CAMK1D: variants seen among roughly 807,000 people sequenced by gnomAD.
CAMK1D encodes the protein calcium/calmodulin-dependent protein kinase type 1D.
CAMK1D carries 9 observed loss-of-function variants against 47.7 expected under a neutral mutation model. The ratio of observed to expected loss-of-function variants is 0.19; its 90% CI spans 0.11 to 0.33. CAMK1D has a LOEUF of 0.33. CAMK1D is among the 10% of genes least tolerant of loss of function. The pLI is 1.00. For missense variants in CAMK1D, 291 were observed against 488.7 expected (o/e 0.60, Z 3.81); for synonymous variants, 184 against 184.9 (o/e 0.99, Z 0.04).
chr10:12,628,291 C>T (rs1402059941), intron 2 of CAMK1D, among the ~76,000 whole-genome samples: 1 of 152,088 alleles, frequency 6.6e-6, no homozygotes, highest in Admixed American at 6.5e-5. Context: ...CATTTCATTC[C>T]CTCCAGTAAT....
intron 2 of CAMK1D, among the ~76,000 whole-genome samples, chr10:12,558,263 T>C (rs1588630809): frequency 6.6e-6 from 1 of 152,216 alleles, no homozygotes; most frequent in East Asian, 1.9e-4. Context: ...TGACATCTAA[T>C]TTCAAAACTT....
chr10:12,581,251 G>GTA (rs925847009), intron 2 of CAMK1D, among the ~76,000 whole-genome samples: 15 of 152,182 alleles, frequency 9.9e-5, no homozygotes, highest in East Asian at 3.9e-4. Context: ...GTATTCCATG[G>GTA]TATATATATA....
chr10:12,399,921 T>C (rs1031304489), intron 1 of CAMK1D, among the ~76,000 whole-genome samples: 11 of 152,202 alleles, frequency 7.2e-5, no homozygotes, highest in African/African-American at 2.4e-4. Flanking sequence ...AAATGACATG[T>C]CTTTAAACAG....
chr10:12,718,234 A>G (rs1834232262), intron 3 of CAMK1D, among the ~76,000 whole-genome samples: 1 of 152,230 alleles, frequency 6.6e-6, no homozygotes, highest in Non-Finnish European at 1.5e-5. Flanking sequence ...TAAAACATGC[A>G]GTCTTGAAAT....
chr10:12,457,055 C>T (rs1182218182), intron 1 of CAMK1D, among the ~76,000 whole-genome samples: 8 of 152,056 alleles, frequency 5.3e-5, no homozygotes, highest in South Asian at 2.1e-4. Context: ...TGGTGTGTAT[C>T]GACAGTGGAA....
intron 1 of CAMK1D, among the ~76,000 whole-genome samples, chr10:12,396,319 A>G (rs1366038538): frequency 6.6e-6 from 1 of 152,112 alleles, no homozygotes; most frequent in Non-Finnish European, 1.5e-5. Flanking sequence ...ATCATTGTCC[A>G]CTGTTCCTCT....
At chr10:12,707,602 G>A (rs1435087415) in intron 3 of CAMK1D, among the ~76,000 whole-genome samples, 2 of 152,228 alleles carry the variant, frequency 1.3e-5, no homozygotes, top group Admixed American at 6.5e-5. Context: ...AGAAAATAGA[G>A]AGCTAGGGAA....
In CAMK1D at chr10:12,376,950, G is replaced by A. The variant is rs573848710; in HGVS notation, c.92+27040G>A. On this transcript the variant is annotated intron_variant, in intron 1 of 10. Transcript: ENST00000619168. ...TAATTTTTGTATTTTTAGTAGAGAC[G>A]GGGTTTCACCATGTTGACCAGGCTG... Among the ~76,000 whole-genome samples, 598 of 151,856 alleles carry A rather than the reference G, an allele frequency of 3.9e-3. 3 individuals carry two copies. Among genetic ancestry groups the A allele is most frequent in the Non-Finnish European group, 6.3e-3 (431 of 67,904 alleles).
rs200817721 is a variant in CAMK1D, at chr10:12,819,607, G to A, written c.833+3279G>A. ...ATAATACATGTGACAAAGAAGAAGC[G>A]TTGCACATCTGTGATACCTACAGGC... is the stretch of plus-strand genomic sequence containing the variant. On this transcript the variant is annotated intron_variant, in intron 8 of 10. Coordinates refer to ENST00000619168, the MANE Select transcript of CAMK1D (RefSeq NM_153498.4). 5.3e-5 allele frequency among the ~76,000 whole-genome samples: 8 copies of A among 152,330 alleles called. No homozygotes were observed. The East Asian group carries it at 9.6e-4, about 18-fold the overall frequency.
At chr10:12,512,495 A>G (rs1835069461) in intron 1 of CAMK1D, among the ~76,000 whole-genome samples, 1 of 152,204 alleles carries the variant, frequency 6.6e-6, no homozygotes, top group Non-Finnish European at 1.5e-5. Context: ...TCCCGGGTTC[A>G]AGCGATTCTT....
intron 3 of CAMK1D, among the ~76,000 whole-genome samples, chr10:12,672,330 T>C (rs886725362): frequency 2.0e-5 from 3 of 152,156 alleles, no homozygotes; most frequent in African/African-American, 4.8e-5. Context: ...TCTTTACCTA[T>C]GCAAATAATG....
At chr10:12,369,439 G>C (rs1011391844) in intron 1 of CAMK1D, among the ~76,000 whole-genome samples, 1 of 152,154 alleles carries the variant, frequency 6.6e-6, no homozygotes, top group Non-Finnish European at 1.5e-5. Flanking sequence ...TTACAGTTCA[G>C]TGTGACTGTG....
rs539525754 is a variant in CAMK1D, at chr10:12,817,886, G to A, written c.833+1558G>A. Reference sequence around the variant, plus strand: ...GTATTTTTAGTAGAGACAGGGTTTCGCCATGTTGGCCAGGGTGGTCTCAAA... The same window carrying A: ...GTATTTTTAGTAGAGACAGGGTTTCACCATGTTGGCCAGGGTGGTCTCAAA... On this transcript the variant is annotated intron_variant, in intron 8 of 10. Transcript: ENST00000619168. Among the ~76,000 whole-genome samples the A allele has an allele frequency of 2.0e-4, 30 of 152,064 alleles. No individual in the cohort carries two copies. The South Asian group carries it at 4.2e-3, about 21-fold the overall frequency.
chr10:12,717,731 GAAAA>G (rs11289567), intron 3 of CAMK1D, among the ~76,000 whole-genome samples: 1 of 121,194 alleles, frequency 8.3e-6, no homozygotes. Flanking sequence ...ACAAAAAATT[GAAAA>G]AAAAAAAAAA....
chr10:12,430,933 A>G (rs1832451662), intron 1 of CAMK1D, among the ~76,000 whole-genome samples: 1 of 152,196 alleles, frequency 6.6e-6, no homozygotes, highest in African/African-American at 2.4e-5. Context: ...TATTTTTAGT[A>G]GAGACGGGAT....
rs897421742 is a variant in CAMK1D at position 12,364,639 on chromosome 10, C to T, written c.92+14729C>T. On this transcript the variant is annotated intron_variant, in intron 1 of 10. Coordinates refer to ENST00000619168, the MANE Select transcript of CAMK1D (RefSeq NM_153498.4). ...TGTTAAAAAAAAAAGCAAAACCTCA[C>T]GCTCTGTGCATGCATGTGTTATGGT... 3.9e-5 allele frequency among the ~76,000 whole-genome samples: 6 copies of T among 152,070 alleles called. No individual in the cohort carries two copies. In the East Asian group the frequency reaches 5.8e-4, roughly 15 times the overall value.
At chr10:12,365,636 C>T (rs1157322879) in intron 1 of CAMK1D, among the ~76,000 whole-genome samples, 3 of 151,694 alleles carry the variant, frequency 2.0e-5, no homozygotes, top group Non-Finnish European at 4.4e-5. Context: ...GACAGGGTTT[C>T]ACCGTGTTAG....
intron 1 of CAMK1D, among the ~76,000 whole-genome samples, chr10:12,502,062 C>T (rs1834721015): frequency 6.6e-6 from 1 of 152,112 alleles, no homozygotes; most frequent in Admixed American, 6.6e-5. Context: ...CAGGCAGCCA[C>T]CAGGGCAGGC....
chr10:12,729,437 A>G (rs1055616774), intron 3 of CAMK1D, among the ~76,000 whole-genome samples: 3 of 152,036 alleles, frequency 2.0e-5, no homozygotes, highest in African/African-American at 7.2e-5. Context: ...GGGGTTCAAG[A>G]CCAGCCTGGG....
Sources: allele counts gnomAD v4.1 joint callset (sites outside exome capture counted in the v4.1 genomes callset), GRCh38; gene constraint gnomAD v4.1.1; transcripts MANE v1.5; gene names NCBI Gene and HGNC (gene_info 2026-07-23, HGNC 2026-07-21).